Variants in FGFR2 observed in about 807,000 individuals in gnomAD.
FGFR2 encodes the protein fibroblast growth factor receptor 2, also known as BEK fibroblast growth factor receptor.
A neutral mutation model predicts 95.9 loss-of-function variants in FGFR2; 19 were observed. The observed-to-expected ratio is 0.20, with a 90% confidence interval of 0.14 to 0.29. FGFR2 has a LOEUF of 0.29. FGFR2 is among the 10% of genes least tolerant of loss of function. The pLI, the probability that FGFR2 is intolerant of heterozygous loss-of-function variation, is 1.00. For synonymous variants in FGFR2, 392 were observed against 393.3 expected (o/e 1.00, Z 0.04); for missense variants, 707 against 1,056.9 (o/e 0.67, Z 4.59).
chr10:121,597,224 TTTTTCCCCAGCG>T (rs1305454472), intron 1 of FGFR2, among the ~76,000 whole-genome samples: 1 of 152,132 alleles, frequency 6.6e-6, no homozygotes, highest in African/African-American at 2.4e-5. Context: ...GCCCTCGGCT[TTTTTCCCCAGCG>T]CGGCCCCGTG....
intron 5 of FGFR2, among the ~76,000 whole-genome samples, chr10:121,548,817 CA>C (rs1183773147): frequency 6.6e-6 from 1 of 152,104 alleles, no homozygotes; most frequent in African/African-American, 2.4e-5. Context: ...AAAACAATCC[CA>C]GGGGCCGTGA....
At chr10:121,556,125 G>A (rs1856092576) in intron 4 of FGFR2, among the ~76,000 whole-genome samples, 1 of 150,406 alleles carries the variant, frequency 6.6e-6, no homozygotes, top group Non-Finnish European at 1.5e-5. Context: ...TGGATGGATG[G>A]ATGGACGGAC....
intron 2 of FGFR2, among the ~76,000 whole-genome samples, chr10:121,590,591 A>G (rs1862483002): frequency 6.6e-6 from 1 of 152,202 alleles, no homozygotes; most frequent in Non-Finnish European, 1.5e-5. Context: ...TTCTTAAGTC[A>G]ATTGAGTGGG....
intron 9 of FGFR2, among the ~76,000 whole-genome samples, chr10:121,511,942 A>C (rs1419457779): frequency 6.6e-6 from 1 of 152,190 alleles, no homozygotes; most frequent in Non-Finnish European, 1.5e-5. Context: ...AGAAGGAAAA[A>C]CTCACAGGAG....
chr10:121,580,607 T>A (rs1198808937), intron 2 of FGFR2, among the ~76,000 whole-genome samples: 3 of 152,010 alleles, frequency 2.0e-5, no homozygotes, highest in African/African-American at 7.3e-5. Flanking sequence ...TCCCAGCTGG[T>A]TTTGCACCGC....
rs934612449 is a variant in FGFR2 at position 121,488,556 on chromosome 10, A to G, written c.1864-443T>C. Among the ~76,000 whole-genome samples the G allele has an allele frequency of 2.9e-4, 43 of 146,284 alleles. 1 individual carries two copies. The highest frequency in any genetic ancestry group is 4.7e-4 in the Admixed American group (7 of 14,756). ...ACTCTGTCTCAAAAAAAAAAAAAAA[A>G]AAAGAAAGAAAAGAAAAGAAAACGC... On this transcript the variant is annotated intron_variant, in intron 13 of 17. Coordinates refer to ENST00000358487, the MANE Select transcript of FGFR2 (RefSeq NM_000141.5).
Position 121,565,468 on chromosome 10 carries a change from C to T in FGFR2, c.346G>A (p.Glu116Lys), listed in dbSNP as rs2135111011. The T allele has an allele frequency of 1.2e-6, 2 of 1,614,194 alleles. No homozygotes were observed. The highest frequency in any genetic ancestry group is 1.7e-6 in the Non-Finnish European group (2 of 1,180,042). ...ACTASRTVDSETWYFMVNVTD... is the reference protein window; with the variant it reads ...ACTASRTVDSKTWYFMVNVTD... The stretch of plus-strand genomic sequence containing the variant: ...ACATTCACCATGAAGTACCAAGTTT[C>T]ACTGTCTACAGTCCTACTGGCAGTA... Residue 116 changes from glutamate (E) to lysine (K), a missense_variant, in exon 3 of 18, where the codon GAA (glutamate) becomes AAA (lysine). Physicochemically the swap from Glu to Lys is moderately conservative, Grantham distance 56. Around this residue, in one of 7 missense-constraint regions of FGFR2, gnomAD observed 178 missense variants for 194.1 expected, o/e 0.92. Coordinates refer to ENST00000358487, the MANE Select transcript of FGFR2 (RefSeq NM_000141.5).
At chr10:121,515,819 A>G (rs565125443) in intron 8 of FGFR2, among the ~76,000 whole-genome samples, 1 of 150,026 alleles carries the variant, frequency 6.7e-6, no homozygotes, top group African/African-American at 2.5e-5. Context: ...ATTCCATATG[A>G]AACTGATGTT....
At chr10:121,522,771 A>G (rs545556410) in intron 6 of FGFR2, among the ~76,000 whole-genome samples, 26 of 152,098 alleles carry the variant, frequency 1.7e-4, no homozygotes, top group Non-Finnish European at 3.2e-4. Flanking sequence ...ACTCCATCCC[A>G]ACAGGCCTGC....
chr10:121,557,917 T>A (rs1296190430), intron 4 of FGFR2, among the ~76,000 whole-genome samples: 1 of 152,202 alleles, frequency 6.6e-6, no homozygotes, highest in Non-Finnish European at 1.5e-5. Flanking sequence ...ACATGGAGTG[T>A]GGGCATCTGC....
At chr10:121,548,539 TC>T (rs1471125716) in intron 5 of FGFR2, among the ~76,000 whole-genome samples, 1 of 152,108 alleles carries the variant, frequency 6.6e-6, no homozygotes, top group African/African-American at 2.4e-5. Context: ...CATTAGGCCC[TC>T]TTAGTCTCTT....
intron 5 of FGFR2, among the ~76,000 whole-genome samples, chr10:121,546,563 C>T (rs767557002): frequency 6.6e-6 from 1 of 152,154 alleles, no homozygotes. Flanking sequence ...ACTGAACTGC[C>T]GAATTCCAAA....
chr10:121,482,123 C>T (rs200278526), intron 17 of FGFR2: 3 of 1,594,234 alleles, frequency 1.9e-6, no homozygotes, highest in Non-Finnish European at 2.6e-6. Flanking sequence ...AGGCATGAGC[C>T]ACTGCGCCTG....
intron 2 of FGFR2, among the ~76,000 whole-genome samples, chr10:121,572,119 G>C (rs573886577): frequency 7.2e-6 from 1 of 138,718 alleles, no homozygotes; most frequent in Non-Finnish European, 1.5e-5. Flanking sequence ...TTCAAGACCA[G>C]CCTAGGGAAC....
chr10:121,593,426 C>A (rs2135478498), intron 2 of FGFR2, among the ~76,000 whole-genome samples: 1 of 152,294 alleles, frequency 6.6e-6, no homozygotes, highest in Middle Eastern at 3.4e-3. Flanking sequence ...TTCCACAGCT[C>A]TCTCGGGCAC....
chr10:121,568,047 C>A (rs570151599), intron 2 of FGFR2, among the ~76,000 whole-genome samples: 2 of 152,110 alleles, frequency 1.3e-5, no homozygotes, highest in African/African-American at 4.8e-5. Context: ...AGTCAAAATG[C>A]GGCTGAATTG....
chr10:121,524,140 A>ACCCC (rs1241424540), intron 6 of FGFR2, among the ~76,000 whole-genome samples: 12 of 136,318 alleles, frequency 8.8e-5, no homozygotes, highest in African/African-American at 3.2e-4. Flanking sequence ...ACACACACAC[A>ACCCC]CACACACCCC....
At chr10:121,499,871 C>A (rs1010266713) in intron 11 of FGFR2, among the ~76,000 whole-genome samples, 3 of 152,184 alleles carry the variant, frequency 2.0e-5, no homozygotes, top group African/African-American at 7.2e-5. Flanking sequence ...TTTTAAAAAA[C>A]CCAAAAAACA....
intron 5 of FGFR2, among the ~76,000 whole-genome samples, chr10:121,549,173 A>G (rs966928056): frequency 6.6e-6 from 1 of 152,210 alleles, no homozygotes; most frequent in Non-Finnish European, 1.5e-5. Context: ...TGGCCTCTAG[A>G]TGTTAATTTC....
Sources: gnomAD v4.1 joint callset for allele counts (sites outside exome capture counted in the v4.1 genomes callset) on GRCh38, gnomAD v4.1.1 for gene constraint, gnomAD v4.1.1 regional missense constraint, MANE v1.5 for transcripts, NCBI Gene and HGNC (gene_info 2026-07-23, HGNC 2026-07-21) for gene names.